NUP210: variants seen among roughly 807,000 people sequenced by gnomAD.
NUP210 encodes nucleoporin 210, also known as nuclear pore membrane glycoprotein 210.
A neutral mutation model predicts 196.0 loss-of-function variants in NUP210; 151 were observed. That is an observed-to-expected ratio of 0.77 (90% confidence interval 0.67 to 0.88). The LOEUF (loss-of-function observed/expected upper bound fraction) is 0.88, where lower values mean the gene tolerates loss of function less well. Ranked by LOEUF, NUP210 falls within the 40% of genes least tolerant of loss-of-function variation. The pLI is 0.00. For synonymous variants in NUP210, 1,070 were observed against 1,052.7 expected (o/e 1.02, Z -0.32); for missense variants, 2,314 against 2,493.7 (o/e 0.93, Z 1.53).
chr3:13,329,265 G>C (rs1288544964), intron 30 of NUP210, among the ~76,000 whole-genome samples: 1 of 152,194 alleles, frequency 6.6e-6, no homozygotes, highest in Non-Finnish European at 1.5e-5. Flanking sequence ...CAAATGTCCA[G>C]TTTCTTCAGA....
chr3:13,372,150 CTG>C lies in NUP210; in HGVS notation c.1588-120_1588-119del. The C allele has an allele frequency of 4.2e-6, 4 of 956,828 alleles. No homozygotes were observed. In the South Asian group the frequency reaches 7.0e-5, roughly 17 times the overall value. The allele number at this position is 956,828 out of a possible 1,614,324, so 59.3% of individuals were successfully genotyped here. A position where few individuals can be genotyped will look rare whatever the true frequency, so the allele number is the denominator to read the frequency against. On this transcript the variant is annotated intron_variant, in intron 12 of 39. Coordinates refer to ENST00000254508, the MANE Select transcript of NUP210 (RefSeq NM_024923.4). Reference sequence around the variant, plus strand: ...CACTGAGGATACATCTGTGAGAAGCCTGTCACGGGCAGTGGGGTGATTCAGGG... The same window carrying C: ...CACTGAGGATACATCTGTGAGAAGCCTCACGGGCAGTGGGGTGATTCAGGG...
chr3:13,388,586 G>C, intron 4 of NUP210, 133 bp from the exon 5 acceptor site: 1 of 892,688 alleles, frequency 1.1e-6, no homozygotes, highest in Non-Finnish European at 1.6e-6. Context: ...CCCCTAGTCA[G>C]GGCTGGGGCT....
intron 1 of NUP210, among the ~76,000 whole-genome samples, chr3:13,402,494 T>A (rs1485572560): frequency 6.6e-6 from 1 of 152,142 alleles, no homozygotes; most frequent in Non-Finnish European, 1.5e-5. Flanking sequence ...GAGCTCTTCC[T>A]ATCCAAGTAA....
At chr3:13,320,231 C>T (rs1007035293) in intron 36 of NUP210, among the ~76,000 whole-genome samples, 5 of 152,164 alleles carry the variant, frequency 3.3e-5, no homozygotes, top group African/African-American at 1.2e-4. Flanking sequence ...TCTGCAGAGT[C>T]GGGAAGCCCT....
intron 21 of NUP210, among the ~76,000 whole-genome samples, chr3:13,342,628 C>T (rs1420519809): frequency 6.6e-6 from 1 of 152,214 alleles, no homozygotes; most frequent in Non-Finnish European, 1.5e-5. Context: ...TAATTACCAG[C>T]CCTTCTATCC....
intron 14 of NUP210, among the ~76,000 whole-genome samples, chr3:13,364,480 T>C (rs1698465545): frequency 6.6e-6 from 1 of 152,196 alleles, no homozygotes; most frequent in South Asian, 2.1e-4. Context: ...CCACCCTTGG[T>C]TGATGTCTGC....
At chr3:13,343,420 G>T in intron 20 of NUP210, 117 bp from the exon 21 acceptor site, 2 of 1,322,240 alleles carry the variant, frequency 1.5e-6, no homozygotes, top group Non-Finnish European at 2.1e-6. Flanking sequence ...TCACCTCATG[G>T]GATGCCAGTG....
chr3:13,339,811 G>T, intron 25 of NUP210, 43 bp downstream of exon 25: 1 of 1,542,684 alleles, frequency 6.5e-7, no homozygotes, highest in Non-Finnish European at 8.9e-7. Context: ...AGAGGCTTCT[G>T]TCCCAGGCAC....
chr3:13,335,631 C>G lies in NUP210; in HGVS notation c.3685-19G>C. On this transcript the variant is annotated intron_variant, in intron 27 of 39. Transcript: ENST00000254508. ...TCGACGCCTGGGAAGACATCAAACA[C>G]GTTTTCAGGGGTAAGGCCCAGGCCC... 1.2e-6 allele frequency: 2 copies of G among 1,612,542 alleles called. No individual in the cohort carries two copies. Among genetic ancestry groups the G allele is most frequent in the Non-Finnish European group, 1.7e-6 (2 of 1,179,006 alleles).
intron 3 of NUP210, among the ~76,000 whole-genome samples, chr3:13,391,731 G>C (rs1257351026): frequency 6.6e-6 from 1 of 150,800 alleles, no homozygotes; most frequent in Admixed American, 6.6e-5. Context: ...TCCCTGTGCA[G>C]GGGAGGGGAC....
At chr3:13,405,537 A>G (rs1699978088) in intron 1 of NUP210, among the ~76,000 whole-genome samples, 1 of 152,150 alleles carries the variant, frequency 6.6e-6, no homozygotes, top group Non-Finnish European at 1.5e-5. Flanking sequence ...CTATATATAT[A>G]GCCTATTGAA....
Position 13,350,479 on chromosome 3 carries a change from A to AAACAAAACAAAACAC in NUP210, c.2835+1399_2835+1400insGTGTTTTGTTTTGTT, listed in dbSNP as rs1251864463. Among the ~76,000 whole-genome samples the AAACAAAACAAAACAC allele has an allele frequency of 1.6e-5, 1 of 64,228 alleles. No individual in the cohort carries two copies. The highest frequency in any genetic ancestry group is 1.5e-4 in the Admixed American group (1 of 6,684). 42.1% of individuals were successfully genotyped at this position (64,228 alleles called of 152,430 possible). On this transcript the variant is annotated intron_variant, in intron 20 of 39. Transcript: ENST00000254508. The surrounding 1 kb of genome is among the most constrained non-coding windows in gnomAD (Gnocchi z 4.1). The stretch of plus-strand genomic sequence containing the variant: ...AAACAAAACAAAACAAAACAAAACA[A>AAACAAAACAAAACAC]AAAACAAAACAAAACAGGAAAACAT...
intron 18 of NUP210, 52 bp downstream of exon 18, chr3:13,353,500 AGG>A: frequency 7.2e-7 from 1 of 1,396,002 alleles, no homozygotes; most frequent in East Asian, 2.3e-5. Flanking sequence ...AAGCAGAAGT[AGG>A]AGGCTTGCCC....
chr3:13,353,926 T>G lies in NUP210; in HGVS notation c.2510A>C (p.Lys837Thr). ...LVSQDDESGQ[K>T]KLHGLQAILV... ...TGTGCCCAGCTCACCGTGCAGCTTCTTTTGGCCACTCTCATCGTCCTGGGA... is the reference window on the plus strand; with the variant it reads ...TGTGCCCAGCTCACCGTGCAGCTTCGTTTGGCCACTCTCATCGTCCTGGGA... Residue 837 changes from lysine (K) to threonine (T), a missense_variant, in exon 17 of 40, where the codon AAG (lysine) becomes ACG (threonine). Transcript: ENST00000254508. The G allele has an allele frequency of 6.2e-7, 1 of 1,608,440 alleles. No homozygotes were observed. The highest frequency in any genetic ancestry group is 8.5e-7 in the Non-Finnish European group (1 of 1,177,394).
chr3:13,328,138 A>G (rs1696851785), intron 31 of NUP210, among the ~76,000 whole-genome samples: 1 of 152,214 alleles, frequency 6.6e-6, no homozygotes, highest in East Asian at 1.9e-4. Context: ...AAGGGCTGGG[A>G]GAACTGGGCT....
At chr3:13,391,135 G>A (rs560419846) in intron 4 of NUP210, 76 bp downstream of exon 4, 8 of 999,692 alleles carry the variant, frequency 8.0e-6, no homozygotes, top group East Asian at 7.8e-5. Flanking sequence ...AAAGCCCCCC[G>A]CTGGTGAGGA....
chr3:13,403,914 C>A (rs1209137157), intron 1 of NUP210, among the ~76,000 whole-genome samples: 1 of 152,158 alleles, frequency 6.6e-6, no homozygotes, highest in Non-Finnish European at 1.5e-5. Context: ...TCCATCCACC[C>A]AGGGCTTCCT....
chr3:13,371,972 C>A lies in NUP210; in HGVS notation c.1648G>T (p.Gly550Cys). 1 of 1,602,060 alleles carries A rather than the reference C, an allele frequency of 6.2e-7. No homozygotes were observed. The highest frequency in any genetic ancestry group is 8.5e-7 in the Non-Finnish European group (1 of 1,174,448). The change falls in exon 13 of 40, where the codon GGC becomes TGC. Residue 550 changes from glycine to cysteine, a missense_variant. Physicochemically the swap from Gly to Cys is radical, Grantham distance 159 (BLOSUM62 -3). Coordinates refer to ENST00000254508, the MANE Select transcript of NUP210 (RefSeq NM_024923.4). ...FAPCQVEARV[G>C]QALELPLRIS... is the part of the protein sequence containing the mutation. Reference sequence around the variant, plus strand: ...CTCAGGGGCAGCTCCAGGGCCTGGCCCACACGTGCCTCCACCTGGCACGGG... The same window carrying A: ...CTCAGGGGCAGCTCCAGGGCCTGGCACACACGTGCCTCCACCTGGCACGGG...
chr3:13,418,958 AAAAAAAAAAAAAAAAG>A (rs1401497481), intron 1 of NUP210, among the ~76,000 whole-genome samples: 4 of 116,604 alleles, frequency 3.4e-5, no homozygotes, highest in East Asian at 2.2e-4. Context: ...CAAAAAAAAA[AAAAAAAAAAAAAAAAG>A]AAAGAAAGAA....
Sources: allele counts gnomAD v4.1 joint callset (sites outside exome capture counted in the v4.1 genomes callset), GRCh38; gene constraint gnomAD v4.1.1; non-coding constraint Gnocchi (gnomAD v3.1); transcripts MANE v1.5; gene names NCBI Gene and HGNC (gene_info 2026-07-23, HGNC 2026-07-21).